The following NTRK3 variants were observed in gnomAD, a reference collection of about 807,000 sequenced individuals.
NTRK3 encodes the protein neurotrophic receptor tyrosine kinase 3, also known as NT-3 growth factor receptor.
NTRK3 carries 24 observed loss-of-function variants against 91.7 expected under a neutral mutation model. That is an observed-to-expected ratio of 0.26 (90% CI 0.19 to 0.37). NTRK3 has a LOEUF of 0.37. Ranked by LOEUF, NTRK3 falls within the 10% of genes least tolerant of loss-of-function variation. NTRK3 has a pLI of 1.00. For synonymous variants in NTRK3, 483 were observed against 404.0 expected, an observed-to-expected ratio of 1.20 and a Z score of -2.34; for missense variants, 880 against 1,068.9, an observed-to-expected ratio of 0.82 and a Z score of 2.46.
intron 12 of NTRK3, 115 bp downstream of exon 12, chr15:88,127,047 C>CTT (rs1008689227): frequency 1.5e-5 from 13 of 867,320 alleles, no homozygotes; most frequent in Non-Finnish European, 1.9e-5. Flanking sequence ...CAATTCATTA[C>CTT]TTTTTTTTTT....
At chr15:88,223,104 C>T (rs999939099) in intron 3 of NTRK3, among the ~76,000 whole-genome samples, 14 of 152,082 alleles carry the variant, frequency 9.2e-5, no homozygotes, top group East Asian at 3.9e-4. Flanking sequence ...GCCAGAGCTG[C>T]GGGCTCGGGA....
chr15:88,208,047 C>T (rs2048943245), intron 3 of NTRK3, among the ~76,000 whole-genome samples: 10 of 152,172 alleles, frequency 6.6e-5, no homozygotes, highest in Admixed American at 6.5e-4. Flanking sequence ...CCACTCCCTG[C>T]AATGGGATCT....
exon 19 of NTRK3, chr15:87,861,675 T>C (rs1408038324): frequency 5.1e-6 from 1 of 195,014 alleles, no homozygotes; most frequent in African/African-American, 2.3e-5. Context: ...GACTTTGGTG[T>C]TTGTAGGGCA....
chr15:87,868,947 C>G (rs989844216), exon 19 of NTRK3: 1 of 227,152 alleles, frequency 4.4e-6, no homozygotes, highest in African/African-American at 2.2e-5. Context: ...GACCTTGTTG[C>G]AATGGGATCT....
intron 14 of NTRK3, among the ~76,000 whole-genome samples, chr15:87,963,898 A>G (rs949653331): frequency 6.6e-6 from 1 of 152,156 alleles, no homozygotes; most frequent in Non-Finnish European, 1.5e-5. Context: ...AACCACATTT[A>G]TTTAGTTTCA....
intron 14 of NTRK3, among the ~76,000 whole-genome samples, chr15:88,009,058 C>G (rs917416718): frequency 7.2e-5 from 11 of 152,080 alleles, no homozygotes; most frequent in African/African-American, 2.4e-4. Flanking sequence ...AGGAAGAGAT[C>G]CCCAGTTGAG....
rs550766135 is a variant in NTRK3, at chr15:88,021,811, C to T, written c.1585+11046G>A. 2.1e-3 allele frequency among the ~76,000 whole-genome samples: 319 copies of T among 152,218 alleles called. 1 individual carries two copies. Among genetic ancestry groups the T allele is most frequent in the African/African-American group, 6.9e-3 (288 of 41,520 alleles). On this transcript the variant is annotated intron_variant, in intron 14 of 18. Coordinates refer to ENST00000394480, the Ensembl canonical transcript of NTRK3. Reference sequence around the variant, plus strand: ...GACATCTGTCATAAGGTATGACTCACGTGTTCACTCACAGCAAGATGGAGA... The same window carrying T: ...GACATCTGTCATAAGGTATGACTCATGTGTTCACTCACAGCAAGATGGAGA...
exon 19 of NTRK3, chr15:87,870,257 A>G (rs540215532): frequency 5.9e-5 from 11 of 187,474 alleles, no homozygotes; most frequent in African/African-American, 2.1e-4. Flanking sequence ...TCATCCATAA[A>G]AAGGAATGAA....
At chr15:88,144,984 T>A (rs920095690) in intron 6 of NTRK3, among the ~76,000 whole-genome samples, 1 of 152,170 alleles carries the variant, frequency 6.6e-6, no homozygotes, top group Non-Finnish European at 1.5e-5. Context: ...CTCACACTTC[T>A]GGCCTGTGGC....
intron 14 of NTRK3, among the ~76,000 whole-genome samples, chr15:88,011,365 G>A (rs1159531187): frequency 6.6e-6 from 1 of 152,208 alleles, no homozygotes; most frequent in Non-Finnish European, 1.5e-5. Flanking sequence ...GAATGAGAAT[G>A]TGACTCTACT....
Position 88,255,681 on chromosome 15 carries a change from G to C in NTRK3, c.248+225C>G, listed in dbSNP as rs2053969410. Among the ~76,000 whole-genome samples the C allele has an allele frequency of 1.3e-5, 2 of 152,196 alleles. No homozygotes were observed. Among genetic ancestry groups the C allele is most frequent in the African/African-American group, 2.4e-5 (1 of 41,464 alleles). ...CGGCGGCCGGGGTCCTCTCCGGGGA[G>C]AGGCACACACACGCATAGCCGGATC... On this transcript the variant is annotated intron_variant, in intron 3 of 18. Coordinates refer to ENST00000394480, the Ensembl canonical transcript of NTRK3. This position sits in a 1 kb window ranked among gnomAD's most constrained non-coding sequence, Gnocchi z 4.3.
At chr15:88,173,259 G>A (rs111771691) in intron 5 of NTRK3, among the ~76,000 whole-genome samples, 5 of 152,140 alleles carry the variant, frequency 3.3e-5, no homozygotes, top group African/African-American at 1.2e-4. Context: ...GCGCACATAG[G>A]CACAAAATTT....
intron 17 of NTRK3, among the ~76,000 whole-genome samples, chr15:87,924,346 C>T (rs1369424): frequency 6.6e-6 from 1 of 152,076 alleles, no homozygotes; most frequent in Non-Finnish European, 1.5e-5. Context: ...TTCCCACTTC[C>T]TAAGGATTAC....
chr15:88,183,673 T>C (rs770428890), intron 4 of NTRK3, among the ~76,000 whole-genome samples, 184 bp from the exon 5 acceptor site: 18 of 152,184 alleles, frequency 1.2e-4, no homozygotes, highest in Non-Finnish European at 2.4e-4. Context: ...GCACCTGGGC[T>C]CACACGCCCC....
intron 15 of NTRK3, among the ~76,000 whole-genome samples, chr15:87,937,605 T>C (rs957804187): frequency 1.3e-5 from 2 of 151,894 alleles, no homozygotes; most frequent in Non-Finnish European, 2.9e-5. Flanking sequence ...CAGGAAGAAA[T>C]ATAATGCTAA....
intron 14 of NTRK3, chr15:87,946,086 G>A (rs2070466085): frequency 6.6e-6 from 1 of 152,100 alleles, no homozygotes; most frequent in Non-Finnish European, 1.5e-5. Context: ...ATAAAATCGT[G>A]GCTTGAAAAG....
intron 13 of NTRK3, among the ~76,000 whole-genome samples, chr15:88,098,245 T>C (rs2049823918): frequency 6.6e-6 from 1 of 152,130 alleles, no homozygotes; most frequent in South Asian, 2.1e-4. Flanking sequence ...CTTTTCTTAA[T>C]TGGCAAAAAC....
chr15:88,030,165 C>A (rs920942728), intron 14 of NTRK3, among the ~76,000 whole-genome samples: 3 of 152,200 alleles, frequency 2.0e-5, no homozygotes, highest in Non-Finnish European at 2.9e-5. Flanking sequence ...TTTTCCCCTG[C>A]TCCTTCAAGT....
At chr15:88,039,745 A>G (rs978378426) in intron 13 of NTRK3, among the ~76,000 whole-genome samples, 2 of 152,216 alleles carry the variant, frequency 1.3e-5, no homozygotes, top group African/African-American at 4.8e-5. Flanking sequence ...TACACCCACC[A>G]GCAGTTTTGC....
Sources: gnomAD v4.1 joint callset for allele counts (sites outside exome capture counted in the v4.1 genomes callset) on GRCh38, gnomAD v4.1.1 for gene constraint, Gnocchi (gnomAD v3.1) non-coding constraint, MANE v1.5 for transcripts, NCBI Gene and HGNC (gene_info 2026-07-23, HGNC 2026-07-21) for gene names.